MYCT1: variants seen among roughly 807,000 people sequenced by gnomAD.
MYCT1 encodes the protein myc target protein 1.
In MYCT1, 12 loss-of-function variants were observed where a neutral mutation model predicts 15.0. That is an observed-to-expected ratio of 0.80 (90% CI 0.51 to 1.29). MYCT1 has a LOEUF of 1.29. Among genes scored for constraint, MYCT1 ranks in the 50% most tolerant of loss-of-function variants. The pLI, the probability that MYCT1 is intolerant of heterozygous loss-of-function variation, is 0.00. For synonymous variants in MYCT1, 104 were observed against 102.7 expected (o/e 1.01, Z -0.07); for missense variants, 287 against 279.1 (o/e 1.03, Z -0.20).
chr6:152,702,817 C>G (rs1489087296), intron 1 of MYCT1, among the ~76,000 whole-genome samples: 4 of 152,194 alleles, frequency 2.6e-5, no homozygotes, highest in Non-Finnish European at 5.9e-5. Flanking sequence ...TCCCCTATCT[C>G]AGTTACCTAG....
chr6:152,722,977 G>C lies in MYCT1; in HGVS notation c.*724G>C, dbSNP rs113721272. On this transcript the variant is annotated 3_prime_UTR_variant, in exon 2 of 2. Coordinates refer to ENST00000367245, the MANE Select transcript of MYCT1 (RefSeq NM_025107.3). ...GGCTGGTCTCAAACTCCTAAACTCA[G>C]ATGATCCTCCTGCCTCGGCCTCCCA... 6.3e-6 allele frequency: 1 copy of C among 158,272 alleles called. No homozygotes were observed. The highest frequency in any genetic ancestry group is 2.4e-5 in the African/African-American group (1 of 41,486). 9.8% of individuals were successfully genotyped at this position (158,272 alleles called of 1,614,324 possible). A position where few individuals can be genotyped will look rare whatever the true frequency, so the allele number is the denominator to read the frequency against.
At chr6:152,727,263 A>G (rs1301838773), downstream of MYCT1, among the ~76,000 whole-genome samples, 3 of 152,122 alleles carry the variant, frequency 2.0e-5, no homozygotes, top group African/African-American at 7.2e-5. Flanking sequence ...GTGCCCATGA[A>G]TTTTGTAAAA....
chr6:152,707,990 G>T (rs1350955389), intron 1 of MYCT1, among the ~76,000 whole-genome samples: 1 of 151,810 alleles, frequency 6.6e-6, no homozygotes, highest in African/African-American at 2.4e-5. Context: ...ACAACTTAGG[G>T]TCATTTGTAA....
the MYCT1 span, among the ~76,000 whole-genome samples, chr6:152,737,746 C>G: frequency 6.6e-6 from 1 of 152,050 alleles, no homozygotes; most frequent in Non-Finnish European, 1.5e-5. Flanking sequence ...TCTTTCAAGA[C>G]CTGGTATAAT....
At chr6:152,739,133 T>C in the MYCT1 span, among the ~76,000 whole-genome samples, 1 of 151,908 alleles carries the variant, frequency 6.6e-6, no homozygotes. Context: ...GGGAGTTTTA[T>C]ATTTCTCTTT....
the MYCT1 span, among the ~76,000 whole-genome samples, chr6:152,729,811 G>A: frequency 8.5e-5 from 13 of 152,294 alleles, 1 homozygote; most frequent in East Asian, 5.8e-4. Flanking sequence ...AGGGAAACAA[G>A]GGATTCCACC....
the MYCT1 span, among the ~76,000 whole-genome samples, chr6:152,733,748 G>A: frequency 1.3e-5 from 2 of 152,156 alleles, no homozygotes; most frequent in African/African-American, 4.8e-5. Flanking sequence ...CTGGCAAGAA[G>A]GACTTGGGAA....
At chr6:152,703,099 G>A (rs576774196) in intron 1 of MYCT1, among the ~76,000 whole-genome samples, 40 of 152,252 alleles carry the variant, frequency 2.6e-4, no homozygotes, top group Middle Eastern at 3.4e-3. Context: ...AAATTGGGAC[G>A]TTTTCCCTAC....
rs199641171 is a variant in MYCT1 at position 152,720,722 on chromosome 6, C to T, written c.197-1020C>T. On this transcript the variant is annotated intron_variant, in intron 1 of 1. Transcript: ENST00000367245. ...TGACAGGCTTTGGTACAGTGAGAAA[C>T]GAGCATGACTTGTGGGTTAGATCAT... is the stretch of plus-strand genomic sequence containing the variant. 7.2e-5 allele frequency among the ~76,000 whole-genome samples: 11 copies of T among 152,050 alleles called. No homozygotes were observed. The South Asian group carries it at 8.3e-4, about 11-fold the overall frequency.
chr6:152,716,548 T>A (rs997787909), intron 1 of MYCT1, among the ~76,000 whole-genome samples: 2 of 152,132 alleles, frequency 1.3e-5, no homozygotes, highest in Non-Finnish European at 2.9e-5. Flanking sequence ...TGGATGGAAT[T>A]TGAGGTATTG....
chr6:152,704,084 C>T (rs944075555), intron 1 of MYCT1, among the ~76,000 whole-genome samples: 1 of 151,936 alleles, frequency 6.6e-6, no homozygotes, highest in African/African-American at 2.4e-5. Flanking sequence ...GCAGCTTCAA[C>T]TTCCTGGGCT....
chr6:152,724,909 C>CT (rs2099725373), downstream of MYCT1, among the ~76,000 whole-genome samples: 1 of 151,584 alleles, frequency 6.6e-6, no homozygotes, highest in Non-Finnish European at 1.5e-5. Context: ...AAAACATGAA[C>CT]TTAGAGTCTT....
the MYCT1 span, among the ~76,000 whole-genome samples, chr6:152,730,535 G>A: frequency 2.6e-5 from 4 of 152,188 alleles, no homozygotes; most frequent in African/African-American, 9.6e-5. Flanking sequence ...ATCTGGCCAT[G>A]TCTCCATTAC....
At chr6:152,738,414 GTCGTTTTTATCT>G in the MYCT1 span, among the ~76,000 whole-genome samples, 1 of 151,936 alleles carries the variant, frequency 6.6e-6, no homozygotes, top group Non-Finnish European at 1.5e-5. Flanking sequence ...CCTTAATATT[GTCGTTTTTATCT>G]TCCAGTGAAT....
downstream of MYCT1, among the ~76,000 whole-genome samples, chr6:152,725,216 T>C (rs1231614346): frequency 1.3e-5 from 2 of 152,110 alleles, no homozygotes; most frequent in Non-Finnish European, 2.9e-5. Context: ...TAAGTTAATA[T>C]AAATATGGCA....
At chr6:152,743,165 G>A in the MYCT1 span, among the ~76,000 whole-genome samples, 48,371 of 151,940 alleles carry the variant, frequency 0.32, 9,114 homozygotes, top group East Asian at 0.51. Context: ...AAGCAATTCT[G>A]CTTAATTCTC....
rs1165390211 is a variant in MYCT1 at position 152,722,739 on chromosome 6, T to C, written c.*486T>C. The C allele has an allele frequency of 4.9e-6, 2 of 409,524 alleles. No homozygotes were observed. The highest frequency in any genetic ancestry group is 1.8e-5 in the South Asian group (1 of 56,068). 25.4% of individuals were successfully genotyped at this position (409,524 alleles called of 1,614,324 possible). On this transcript the variant is annotated 3_prime_UTR_variant, in exon 2 of 2. Transcript: ENST00000367245. ...ATTGACATTTTACAATCTTAGATTT[T>C]TCTTTTTTTTTCTTTTGAGACAGGG...
downstream of MYCT1, among the ~76,000 whole-genome samples, chr6:152,726,891 A>C (rs1291669739): frequency 6.6e-6 from 1 of 152,150 alleles, no homozygotes; most frequent in Non-Finnish European, 1.5e-5. Flanking sequence ...CTCAGAATGA[A>C]GAATCTCTGG....
chr6:152,714,304 TC>T (rs368135821), intron 1 of MYCT1, among the ~76,000 whole-genome samples: 11 of 128,444 alleles, frequency 8.6e-5, no homozygotes, highest in South Asian at 2.7e-4. Context: ...TTTTTCTTTT[TC>T]TTTTTTTTTT....
Sources: allele counts gnomAD v4.1 joint callset (sites outside exome capture counted in the v4.1 genomes callset), GRCh38; gene constraint gnomAD v4.1.1; transcripts MANE v1.5; gene names NCBI Gene and HGNC (gene_info 2026-07-23, HGNC 2026-07-21).